Variants in SLC38A4 observed in about 807,000 individuals in gnomAD.
SLC38A4 encodes the protein solute carrier family 38 member 4, also known as sodium-coupled neutral amino acid transporter 4.
SLC38A4 carries 20 observed loss-of-function variants against 63.1 expected under a neutral mutation model. That is an observed-to-expected ratio of 0.32 (90% CI 0.22 to 0.46). The LOEUF is 0.46. Ranked by LOEUF, SLC38A4 falls within the 20% of genes least tolerant of loss-of-function variation. The probability of loss-of-function intolerance (pLI) is 1.00; values close to 1 mark genes in which losing one functional copy is unlikely to be tolerated. For synonymous variants in SLC38A4, 230 were observed against 225.5 expected (o/e 1.02, Z -0.18); for missense variants, 526 against 663.6 (o/e 0.79, Z 2.28).
intron 11 of SLC38A4, 49 bp from the exon 12 acceptor site, chr12:46,778,417 T>C (rs970998820): frequency 5.0e-6 from 8 of 1,609,188 alleles, no homozygotes; most frequent in Non-Finnish European, 6.8e-6. Context: ...ACATAGATGG[T>C]GATCTCAGGC....
At chr12:46,831,768 C>A (rs1050495642) in intron 1 of SLC38A4, among the ~76,000 whole-genome samples, 7 of 152,212 alleles carry the variant, frequency 4.6e-5, no homozygotes, top group South Asian at 2.1e-4. Context: ...GACGCGGGCG[C>A]GGGTCCAGGG....
intron 1 of SLC38A4, among the ~76,000 whole-genome samples, chr12:46,804,965 T>A (rs1237746276): frequency 6.6e-6 from 1 of 151,964 alleles, no homozygotes; most frequent in Non-Finnish European, 1.5e-5. Flanking sequence ...AGTTACCAGA[T>A]AAATAAAAGA....
intron 1 of SLC38A4, among the ~76,000 whole-genome samples, chr12:46,820,493 C>T (rs1462949893): frequency 2.0e-5 from 3 of 151,942 alleles, no homozygotes; most frequent in African/African-American, 7.2e-5. Flanking sequence ...CATGTTGTCA[C>T]AAATAGCAGG....
At chr12:46,793,330 C>A in intron 2 of SLC38A4, 147 bp from the exon 3 acceptor site, 2 of 269,900 alleles carry the variant, frequency 7.4e-6, no homozygotes, top group Non-Finnish European at 1.4e-5. Context: ...CTGAAATGTT[C>A]CTTTACCCAA....
chr12:46,831,952 T>C (rs187465853), intron 1 of SLC38A4, among the ~76,000 whole-genome samples: 150 of 148,396 alleles, frequency 1.0e-3, no homozygotes, highest in African/African-American at 3.8e-3. Context: ...AGGTGCCCCA[T>C]ACCCCAGCCC....
chr12:46,804,284 G>C (rs1268869953), intron 1 of SLC38A4, among the ~76,000 whole-genome samples: 1 of 151,558 alleles, frequency 6.6e-6, no homozygotes, highest in Admixed American at 6.6e-5. Context: ...AAGGCTGTTT[G>C]GCATTTTAAA....
chr12:46,790,027 G>A (rs1174734675), intron 3 of SLC38A4, among the ~76,000 whole-genome samples: 4 of 152,250 alleles, frequency 2.6e-5, no homozygotes, highest in South Asian at 2.1e-4. Context: ...GCAGTGAGCC[G>A]AGATTGCACC....
chr12:46,778,768 G>A lies in SLC38A4; in HGVS notation c.726C>T (p.Tyr242=). The change falls in exon 11 of 17, where the codon TAC becomes TAT. Residue 242 remains tyrosine (Y), a synonymous_variant. Coordinates refer to ENST00000266579, the MANE Select transcript of SLC38A4 (RefSeq NM_018018.5). ...CMVFFVSVVI[Y]KKFQIPCPLP... ...GAGGGCAGGGTATTTGGAATTTCTT[G>A]TAAATCACCTAGACTCAGTCATTAA... 6.2e-7 allele frequency: 1 copy of A among 1,611,110 alleles called. No individual in the cohort carries two copies. Among genetic ancestry groups the A allele is most frequent in the Non-Finnish European group, 8.5e-7 (1 of 1,178,206 alleles).
chr12:46,788,603 T>G lies in SLC38A4; in HGVS notation c.135A>C (p.Glu45Asp). The change falls in exon 4 of 17, where the codon GAA becomes GAC. Residue 45 changes from glutamate (E) to aspartate (D), a missense_variant. Glu to Asp is a conservative substitution (Grantham distance 45). Transcript: ENST00000266579. Reference sequence around the variant, plus strand: ...TCAGGAATTTCTGACTTTCAGTGTCTTCATTAGCAAATTGACTGAACACAC... The same window carrying G: ...TCAGGAATTTCTGACTTTCAGTGTCGTCATTAGCAAATTGACTGAACACAC... ...KAAMSSQFAN[E>D]DTESQKFLTN... is the part of the protein sequence containing the mutation. The G allele has an allele frequency of 6.2e-7, 1 of 1,613,470 alleles. No individual in the cohort carries two copies. The highest frequency in any genetic ancestry group is 8.5e-7 in the Non-Finnish European group (1 of 1,179,746).
intron 1 of SLC38A4, among the ~76,000 whole-genome samples, chr12:46,825,583 C>T (rs181217786): frequency 6.6e-6 from 1 of 152,116 alleles, no homozygotes; most frequent in Non-Finnish European, 1.5e-5. Context: ...AAACACGAAC[C>T]CTTTTAGTTA....
intron 1 of SLC38A4, among the ~76,000 whole-genome samples, chr12:46,805,924 T>A (rs1247696014): frequency 6.6e-6 from 1 of 151,764 alleles, no homozygotes; most frequent in Non-Finnish European, 1.5e-5. Flanking sequence ...TACATCCACA[T>A]AAAGGGAGAC....
At chr12:46,830,089 A>G (rs1939708703), upstream of SLC38A4, among the ~76,000 whole-genome samples, 1 of 152,122 alleles carries the variant, frequency 6.6e-6, no homozygotes, top group Non-Finnish European at 1.5e-5. Context: ...AAAGTTATTT[A>G]TCTCTTTACA....
At chr12:46,800,380 C>T (rs535727947) in intron 2 of SLC38A4, among the ~76,000 whole-genome samples, 151 of 152,194 alleles carry the variant, frequency 9.9e-4, no homozygotes, top group African/African-American at 3.2e-3. Flanking sequence ...CCAGACATAG[C>T]TCTTTAGTCT....
At position 46,788,125 on chromosome 12, in the gene SLC38A4, T is replaced by A. The variant is rs189379546; in HGVS notation, c.211-94A>T. The A allele has an allele frequency of 4.7e-6, 4 of 847,780 alleles. No individual in the cohort carries two copies. The Admixed American group carries it at 9.6e-5, about 20-fold the overall frequency. 52.5% of individuals were successfully genotyped at this position (847,780 alleles called of 1,614,324 possible). On this transcript the variant is annotated intron_variant, in intron 4 of 16. Coordinates refer to ENST00000266579, the MANE Select transcript of SLC38A4 (RefSeq NM_018018.5). ...TTCTCACATTATCTGCAGATTACAG[T>A]CCAAAATTGAAGACTAAGATAACAT...
chr12:46,815,950 C>A lies in SLC38A4; in HGVS notation c.-305+9953G>T, dbSNP rs186037196. 2.0e-3 allele frequency among the ~76,000 whole-genome samples: 306 copies of A among 151,834 alleles called. 1 individual carries two copies. The highest frequency in any genetic ancestry group is 7.2e-3 in the African/African-American group (298 of 41,468). On this transcript the variant is annotated intron_variant, in intron 1 of 16. Transcript: ENST00000266579. ...GAGTTAACGTTTCATACATAGAAAG[C>A]CCTGAAAAAATATATATTTAAAGAG...
chr12:46,807,080 A>G (rs1276116023), intron 1 of SLC38A4, among the ~76,000 whole-genome samples: 1 of 152,064 alleles, frequency 6.6e-6, no homozygotes, highest in African/African-American at 2.4e-5. Flanking sequence ...GACTATACCT[A>G]AATTTCTAAT....
At chr12:46,792,808 C>A in intron 3 of SLC38A4, 145 bp downstream of exon 3, 1 of 664,462 alleles carries the variant, frequency 1.5e-6, no homozygotes, top group South Asian at 1.7e-5. Flanking sequence ...TATTTCAGGA[C>A]CAGGGAATTG....
chr12:46,772,216 G>A (rs766308566), intron 14 of SLC38A4, among the ~76,000 whole-genome samples: 23 of 151,826 alleles, frequency 1.5e-4, no homozygotes, highest in Non-Finnish European at 1.9e-4. Context: ...AAGGATGTTG[G>A]AAAACCTACG....
chr12:46,824,405 T>C (rs1231996082), intron 1 of SLC38A4: 3 of 152,222 alleles, frequency 2.0e-5, no homozygotes, highest in Non-Finnish European at 4.4e-5. Context: ...ACAAATGTCA[T>C]TTTGAAAATA....
Sources: gnomAD v4.1 joint callset for allele counts (sites outside exome capture counted in the v4.1 genomes callset) on GRCh38, gnomAD v4.1.1 for gene constraint, MANE v1.5 for transcripts, NCBI Gene and HGNC (gene_info 2026-07-23, HGNC 2026-07-21) for gene names.